DOP1B: variants seen among roughly 807,000 people sequenced by gnomAD.
DOP1B encodes protein DOP1B.
DOP1B carries 174 observed loss-of-function variants against 233.5 expected under a neutral mutation model. The ratio of observed to expected loss-of-function variants is 0.75; its 90% confidence interval spans 0.66 to 0.85. The LOEUF (loss-of-function observed/expected upper bound fraction) is 0.85, where lower values mean the gene tolerates loss of function less well. DOP1B is among the 40% of genes least tolerant of loss of function. The pLI is 0.00. For synonymous variants in DOP1B, 1,190 were observed against 1,185.6 expected, an observed-to-expected ratio of 1.00 and a Z score of -0.08; for missense variants, 2,652 against 2,846.6, an observed-to-expected ratio of 0.93 and a Z score of 1.56.
intron 2 of DOP1B, among the ~76,000 whole-genome samples, chr21:36,173,859 A>C (rs2065995663): frequency 7.9e-6 from 1 of 127,188 alleles, no homozygotes; most frequent in East Asian, 2.3e-4. Context: ...CTTATCATTA[A>C]AGCTCTTTAA....
At chr21:36,176,659 G>A (rs575323201) in intron 2 of DOP1B, among the ~76,000 whole-genome samples, 14 of 152,140 alleles carry the variant, frequency 9.2e-5, no homozygotes, top group Non-Finnish European at 1.8e-4. Context: ...AAAGGATGCT[G>A]TTGATGGGAA....
chr21:36,206,054 A>C (rs1475487972), intron 4 of DOP1B, among the ~76,000 whole-genome samples: 2 of 151,784 alleles, frequency 1.3e-5, no homozygotes, highest in Non-Finnish European at 2.9e-5. Flanking sequence ...ACTGCACACT[A>C]ATATTGGAAT....
intron 24 of DOP1B, among the ~76,000 whole-genome samples, chr21:36,262,663 G>A (rs927581751): frequency 1.3e-5 from 2 of 151,962 alleles, no homozygotes; most frequent in African/African-American, 2.4e-5. Context: ...CGAGGCAAGT[G>A]GATTTACTTG....
chr21:36,212,354 C>A (rs2066509204), intron 7 of DOP1B, among the ~76,000 whole-genome samples: 1 of 152,142 alleles, frequency 6.6e-6, no homozygotes, highest in Admixed American at 6.5e-5. Context: ...CATTTAAGAG[C>A]TTGAAATACC....
At chr21:36,178,883 T>C (rs1013827416) in intron 2 of DOP1B, among the ~76,000 whole-genome samples, 16 of 152,246 alleles carry the variant, frequency 1.1e-4, no homozygotes, top group African/African-American at 3.9e-4. Flanking sequence ...CGTTTATCCC[T>C]GTGAAACCAT....
chr21:36,174,079 GGT>G (rs2065998873), intron 2 of DOP1B, among the ~76,000 whole-genome samples: 1 of 152,126 alleles, frequency 6.6e-6, no homozygotes, highest in South Asian at 2.1e-4. Context: ...GCCTCCTGAT[GGT>G]GTGTTTCAGA....
At chr21:36,175,017 T>G (rs1014681398) in intron 2 of DOP1B, among the ~76,000 whole-genome samples, 1 of 152,190 alleles carries the variant, frequency 6.6e-6, no homozygotes, top group Non-Finnish European at 1.5e-5. Flanking sequence ...TTGGTTCTTC[T>G]GAGGCCTCGC....
intron 32 of DOP1B, among the ~76,000 whole-genome samples, chr21:36,287,734 C>T (rs1431174930): frequency 1.3e-5 from 2 of 151,658 alleles, no homozygotes; most frequent in Non-Finnish European, 2.9e-5. Context: ...CTACAGGCGC[C>T]CACCACCACG....
At chr21:36,189,887 G>A (rs2066211380) in intron 2 of DOP1B, among the ~76,000 whole-genome samples, 1 of 151,044 alleles carries the variant, frequency 6.6e-6, no homozygotes, top group South Asian at 2.1e-4. Flanking sequence ...GCATGCACCT[G>A]TAGTCCCAGC....
At chr21:36,255,043 G>A (rs1221564641) in intron 23 of DOP1B, among the ~76,000 whole-genome samples, 1 of 149,890 alleles carries the variant, frequency 6.7e-6, no homozygotes, top group Admixed American at 6.7e-5. Flanking sequence ...TCCACCTCCT[G>A]GGCTCAAGTG....
chr21:36,177,940 A>G lies in DOP1B; in HGVS notation c.138+13069A>G, dbSNP rs186919662. Among the ~76,000 whole-genome samples the G allele has an allele frequency of 1.3e-4, 20 of 152,352 alleles. No individual in the cohort carries two copies. The East Asian group carries it at 3.7e-3, about 28-fold the overall frequency. The stretch of plus-strand genomic sequence containing the variant: ...AGCAATCTAACAGAATTGAGTTTAT[A>G]GATAAGGGAAAGGGTTTGTGACCCA... On this transcript the variant is annotated intron_variant, in intron 2 of 36. Coordinates refer to ENST00000691173, the MANE Select transcript of DOP1B (RefSeq NM_001320714.2).
intron 4 of DOP1B, among the ~76,000 whole-genome samples, chr21:36,206,432 A>T (rs1249634196): frequency 9.9e-5 from 15 of 151,840 alleles, no homozygotes; most frequent in Admixed American, 9.9e-4. Context: ...TCAGAGGCTG[A>T]GGCAGGAAAA....
chr21:36,291,296 C>T (rs1047237385), intron 35 of DOP1B, among the ~76,000 whole-genome samples: 1 of 151,680 alleles, frequency 6.6e-6, no homozygotes, highest in African/African-American at 2.4e-5. Context: ...CGCAGTGGCT[C>T]ATGCCTGTAA....
At chr21:36,293,162 C>T (rs557493660) in intron 36 of DOP1B, among the ~76,000 whole-genome samples, 158 bp from the exon 37 acceptor site, 10 of 149,158 alleles carry the variant, frequency 6.7e-5, no homozygotes, top group Admixed American at 3.3e-4. Flanking sequence ...GCCAAGATCA[C>T]GCTGCTGCAC....
At chr21:36,168,717 C>T (rs2065939882) in intron 2 of DOP1B, among the ~76,000 whole-genome samples, 2 of 151,396 alleles carry the variant, frequency 1.3e-5, no homozygotes, top group Non-Finnish European at 2.9e-5. Flanking sequence ...CTTTTTAATA[C>T]AGATGGGGTT....
At chr21:36,191,261 AAAAAAAAC>A (rs1463805848) in intron 2 of DOP1B, among the ~76,000 whole-genome samples, 1 of 151,986 alleles carries the variant, frequency 6.6e-6, no homozygotes, top group Non-Finnish European at 1.5e-5. Context: ...GTCAGAAAAA[AAAAAAAAC>A]AAAAAACAGA....
At position 36,246,475 on chromosome 21, in the gene DOP1B, C is replaced by T. The variant is rs1408278628; in HGVS notation, c.4495C>T (p.Leu1499=). 1.9e-6 allele frequency: 3 copies of T among 1,614,014 alleles called. No individual in the cohort carries two copies. The highest frequency in any genetic ancestry group is 2.7e-5 in the African/African-American group (2 of 74,940). ...QPHPLTSQGL[L]VSAVVRGLQP... ...CCACCCCCTCACCTCCCAGGGTCTTCTGGTCTCTGCGGTGGTGAGGGGTCT... is the reference window on the plus strand; with the variant it reads ...CCACCCCCTCACCTCCCAGGGTCTTTTGGTCTCTGCGGTGGTGAGGGGTCT... Residue 1499 remains leucine, a synonymous_variant, in exon 19 of 37, where the codon CTG becomes TTG. Transcript: ENST00000691173. The surrounding 1 kb of genome is among the most constrained non-coding windows in gnomAD (Gnocchi z 5.1).
intron 26 of DOP1B, among the ~76,000 whole-genome samples, chr21:36,267,773 C>G (rs887518614): frequency 6.6e-5 from 10 of 151,952 alleles, no homozygotes; most frequent in African/African-American, 1.9e-4. Context: ...AATGTTACAG[C>G]TGGGCCACCA....
chr21:36,181,166 C>A (rs753615215), intron 2 of DOP1B, among the ~76,000 whole-genome samples: 11 of 152,170 alleles, frequency 7.2e-5, no homozygotes, highest in Non-Finnish European at 8.8e-5. Context: ...AAATCAATGT[C>A]CTCGATGTAA....
Sources: allele counts gnomAD v4.1 joint callset (sites outside exome capture counted in the v4.1 genomes callset), GRCh38; gene constraint gnomAD v4.1.1; non-coding constraint Gnocchi (gnomAD v3.1); transcripts MANE v1.5; gene names NCBI Gene and HGNC (gene_info 2026-07-23, HGNC 2026-07-21).